MEF2C: variants seen among roughly 807,000 people sequenced by gnomAD.
MEF2C encodes the protein myocyte enhancer factor 2C.
A neutral mutation model predicts 50.5 loss-of-function variants in MEF2C; 6 were observed. The observed-to-expected ratio is 0.12, with a 90% CI of 0.07 to 0.23. The LOEUF (loss-of-function observed/expected upper bound fraction) is 0.23. Among genes scored for constraint, MEF2C ranks in the 10% least tolerant of loss-of-function variants. The probability of loss-of-function intolerance (pLI) is 1.00; values close to 1 mark genes in which losing one functional copy is unlikely to be tolerated. For missense variants in MEF2C, 276 were observed against 605.0 expected, an observed-to-expected ratio of 0.46 and a Z score of 5.70; for synonymous variants, 183 against 228.0, an observed-to-expected ratio of 0.80 and a Z score of 1.78.
At chr5:88,867,596 T>C (rs1561410648) in intron 1 of MEF2C, among the ~76,000 whole-genome samples, 1 of 152,176 alleles carries the variant, frequency 6.6e-6, no homozygotes, top group Non-Finnish European at 1.5e-5. Flanking sequence ...GTGGTTTTTA[T>C]TGTCTTATTA....
At chr5:88,898,185 A>T (rs1272785191) in intron 1 of MEF2C, among the ~76,000 whole-genome samples, 1 of 152,194 alleles carries the variant, frequency 6.6e-6, no homozygotes. Flanking sequence ...AGATAGTAAG[A>T]TGAATCTTGA....
At chr5:88,846,457 G>A (rs1490453570) in intron 1 of MEF2C, among the ~76,000 whole-genome samples, 1 of 152,276 alleles carries the variant, frequency 6.6e-6, no homozygotes, top group Middle Eastern at 3.4e-3. Context: ...GTAGTAAACT[G>A]TCATTTCAGA....
chr5:88,777,899 C>CTTTTTTTTTTTTTT (rs57841792), intron 3 of MEF2C, among the ~76,000 whole-genome samples: 1 of 77,320 alleles, frequency 1.3e-5, no homozygotes, highest in African/African-American at 5.3e-5. Flanking sequence ...TTTTTCTTTT[C>CTTTTTTTTTTTTTT]TTTTTTTTTT....
At chr5:88,846,330 A>C (rs1051627891) in intron 1 of MEF2C, among the ~76,000 whole-genome samples, 5 of 152,190 alleles carry the variant, frequency 3.3e-5, no homozygotes, top group Non-Finnish European at 5.9e-5. Flanking sequence ...TGCCTCCCAA[A>C]GTGATGGAAT....
chr5:88,859,141 C>A (rs1247771959), intron 1 of MEF2C, among the ~76,000 whole-genome samples: 1 of 152,176 alleles, frequency 6.6e-6, no homozygotes, highest in Non-Finnish European at 1.5e-5. Flanking sequence ...TAAGAGTGTA[C>A]ACTAGGTATT....
chr5:88,870,669 T>A (rs1368467440), intron 1 of MEF2C, among the ~76,000 whole-genome samples: 1 of 152,118 alleles, frequency 6.6e-6, no homozygotes, highest in East Asian at 1.9e-4. Context: ...TTAAAGGAGT[T>A]CTTTGTAAAT....
intron 1 of MEF2C, among the ~76,000 whole-genome samples, chr5:88,866,456 T>C (rs1367876530): frequency 6.6e-6 from 1 of 152,222 alleles, no homozygotes; most frequent in Non-Finnish European, 1.5e-5. Flanking sequence ...CTGGCCAGCC[T>C]CTCTGTCCTC....
At chr5:88,816,846 A>G (rs1805675929) in intron 2 of MEF2C, among the ~76,000 whole-genome samples, 1 of 151,938 alleles carries the variant, frequency 6.6e-6, no homozygotes, top group Non-Finnish European at 1.5e-5. Context: ...CATCATCATC[A>G]TTATTATGAG....
At chr5:88,853,831 C>A (rs72773815) in intron 1 of MEF2C, among the ~76,000 whole-genome samples, 1 of 152,106 alleles carries the variant, frequency 6.6e-6, no homozygotes, top group Non-Finnish European at 1.5e-5. Flanking sequence ...TACATGAATG[C>A]TTTGGATAAA....
At chr5:88,794,121 T>A (rs1051310580) in intron 3 of MEF2C, among the ~76,000 whole-genome samples, 2 of 152,216 alleles carry the variant, frequency 1.3e-5, no homozygotes, top group African/African-American at 4.8e-5. Flanking sequence ...GCATGTGTCT[T>A]TATAGCATCA....
chr5:88,869,296 C>CGTATATATATATATATATAAGTATAT (rs1828665479), intron 1 of MEF2C, among the ~76,000 whole-genome samples: 1 of 104,870 alleles, frequency 9.5e-6, no homozygotes, highest in Non-Finnish European at 1.9e-5. Context: ...TATATATATA[C>CGTATATATATATATATATAAGTATAT]ACATATATAT....
intron 10 of MEF2C, among the ~76,000 whole-genome samples, 179 bp downstream of exon 10, chr5:88,728,314 A>AAAT (rs1759815592): frequency 6.6e-6 from 1 of 152,188 alleles, no homozygotes; most frequent in South Asian, 2.1e-4. Flanking sequence ...TGTCCTCTTA[A>AAAT]AAAACAGGTA....
intron 3 of MEF2C, among the ~76,000 whole-genome samples, chr5:88,800,102 G>A (rs1797755621): frequency 6.6e-6 from 1 of 152,148 alleles, no homozygotes; most frequent in Non-Finnish European, 1.5e-5. Context: ...CAGACTGAAT[G>A]AGTAGCTCAT....
rs1388762531 is a variant in MEF2C, at chr5:88,785,244, T to C, written c.258+19354A>G. The C allele has an allele frequency of 3.7e-5, 5 of 134,472 alleles. No individual in the cohort carries two copies. The East Asian group carries it at 8.7e-4, about 23-fold the overall frequency. The allele number at this position is 134,472 out of a possible 1,614,324, so 8.3% of individuals were successfully genotyped here. A position where few individuals can be genotyped will look rare whatever the true frequency, so the allele number is the denominator to read the frequency against. On this transcript the variant is annotated intron_variant, in intron 3 of 10. Transcript: ENST00000504921. ...TACAGATTACTTAAGCAAAACAAAA[T>C]AGAAAAAAAAAGCATTCCCATTGCA...
intron 1 of MEF2C, among the ~76,000 whole-genome samples, chr5:88,867,551 C>T (rs1320404562): frequency 6.6e-6 from 1 of 152,092 alleles, no homozygotes; most frequent in Non-Finnish European, 1.5e-5. Flanking sequence ...GAATAGTGCT[C>T]AAGTATACGG....
At chr5:88,902,793 A>G (rs1209083288) in intron 1 of MEF2C, among the ~76,000 whole-genome samples, 1 of 151,532 alleles carries the variant, frequency 6.6e-6, no homozygotes. Context: ...TCTACCCCCC[A>G]CAGCCCAGAA....
chr5:88,815,696 A>G (rs949397354), intron 2 of MEF2C, among the ~76,000 whole-genome samples: 2 of 152,122 alleles, frequency 1.3e-5, no homozygotes, highest in African/African-American at 4.8e-5. Flanking sequence ...TGGGATGCAA[A>G]CTTTAAAAAT....
chr5:88,734,457 CTAAAAGGAAGTAAAA>C (rs1248816330), intron 6 of MEF2C: 1 of 983,178 alleles, frequency 1.0e-6, no homozygotes, highest in Non-Finnish European at 1.2e-6. Context: ...AGTTATTTTG[CTAAAAGGAAGTAAAA>C]CCGCTTCGTG....
At position 88,717,908 on chromosome 5, in the gene MEF2C, T is replaced by C. The variant is rs1388315656; in HGVS notation, c.*4696A>G. The C allele has an allele frequency of 6.6e-6, 1 of 152,240 alleles. No homozygotes were observed. The highest frequency in any genetic ancestry group is 1.5e-5 in the Non-Finnish European group (1 of 68,034). The allele number at this position is 152,240 out of a possible 1,614,324, so 9.4% of individuals were successfully genotyped here. Reference sequence around the variant, plus strand: ...TTAGTTAAAAAATAACTTATGGTACTGCTTTTCACAGTGGCTTTTGAAAAA... The same window carrying C: ...TTAGTTAAAAAATAACTTATGGTACCGCTTTTCACAGTGGCTTTTGAAAAA... On this transcript the variant is annotated 3_prime_UTR_variant, in exon 11 of 11. Coordinates refer to ENST00000504921, the MANE Select transcript of MEF2C (RefSeq NM_002397.5).
Sources: gnomAD v4.1 joint callset for allele counts (sites outside exome capture counted in the v4.1 genomes callset) on GRCh38, gnomAD v4.1.1 for gene constraint, MANE v1.5 for transcripts, NCBI Gene and HGNC (gene_info 2026-07-23, HGNC 2026-07-21) for gene names.